The following ACOT13 variants were observed in gnomAD, a reference collection of about 807,000 sequenced individuals.
ACOT13 encodes the protein acyl-CoA thioesterase 13.
ACOT13 carries 10 observed loss-of-function variants against 11.8 expected under a neutral mutation model. That is an observed-to-expected ratio of 0.85 (90% CI 0.53 to 1.44). The LOEUF (loss-of-function observed/expected upper bound fraction) is 1.44. ACOT13 is among the 40% of genes most tolerant of loss of function. The pLI is 0.00. For synonymous variants in ACOT13, 53 were observed against 61.0 expected (o/e 0.87, Z 0.61); for missense variants, 172 against 174.1 (o/e 0.99, Z 0.07).
At position 24,683,528 on chromosome 6, in the gene ACOT13, C is replaced by T. The variant is rs372122305; in HGVS notation, c.82-14355C>T. Among the ~76,000 whole-genome samples, 278 of 151,728 alleles carry T rather than the reference C, an allele frequency of 1.8e-3. 2 individuals carry two copies. Among genetic ancestry groups the T allele is most frequent in the African/African-American group, 5.7e-3 (237 of 41,342 alleles). ...TCCAGCCTGGGTGGACAGAGTGAGA[C>T]TGTCTCTCTCAAAAAAAAAATTAAG... On this transcript the variant is annotated intron_variant, in intron 1 of 2. Coordinates refer to ENST00000230048, the MANE Select transcript of ACOT13 (RefSeq NM_018473.4).
chr6:24,676,798 T>G (rs1160408152), intron 1 of ACOT13, among the ~76,000 whole-genome samples: 1 of 152,196 alleles, frequency 6.6e-6, no homozygotes, highest in East Asian at 1.9e-4. Flanking sequence ...TTCTGGTGAC[T>G]CTGGCAGTGT....
At chr6:24,686,832 G>A (rs973570486) in intron 1 of ACOT13, among the ~76,000 whole-genome samples, 4 of 152,000 alleles carry the variant, frequency 2.6e-5, no homozygotes, top group Non-Finnish European at 5.9e-5. Flanking sequence ...CTCCCATGTA[G>A]CTGGGACCAC....
chr6:24,688,935 C>CATAA (rs1235054987), intron 1 of ACOT13, among the ~76,000 whole-genome samples: 6 of 152,070 alleles, frequency 3.9e-5, no homozygotes, highest in African/African-American at 1.4e-4. Context: ...GCACAAAAGA[C>CATAA]ATAAATAGGC....
intron 1 of ACOT13, among the ~76,000 whole-genome samples, chr6:24,696,210 A>G (rs1342982156): frequency 6.6e-6 from 1 of 152,204 alleles, no homozygotes; most frequent in Non-Finnish European, 1.5e-5. Context: ...GTTTTCCTTC[A>G]GGGCCTTCAA....
At position 24,703,489 on chromosome 6, in the gene ACOT13, G is replaced by A. The variant is rs564731364; in HGVS notation, c.*1874G>A. On this transcript the variant is annotated 3_prime_UTR_variant, in exon 3 of 3. Coordinates refer to ENST00000230048, the MANE Select transcript of ACOT13 (RefSeq NM_018473.4). Reference sequence around the variant, plus strand: ...AGAAAGGTTACAGTATCTTATGCATGAAAGGAGATGCTCAAAATAATAAAG... The same window carrying A: ...AGAAAGGTTACAGTATCTTATGCATAAAAGGAGATGCTCAAAATAATAAAG... 2.0e-5 allele frequency: 3 copies of A among 152,362 alleles called. No individual in the cohort carries two copies. In the East Asian group the frequency reaches 5.8e-4, roughly 29 times the overall value. 9.4% of individuals were successfully genotyped at this position (152,362 alleles called of 1,614,324 possible). A position where few individuals can be genotyped will look rare whatever the true frequency, so the allele number is the denominator to read the frequency against.
intron 1 of ACOT13, among the ~76,000 whole-genome samples, chr6:24,691,664 T>C (rs1778719901): frequency 6.6e-6 from 1 of 152,072 alleles, no homozygotes; most frequent in African/African-American, 2.4e-5. Context: ...TCATGAATAC[T>C]GAAGGAGGAG....
chr6:24,692,458 C>T (rs1262875181), intron 1 of ACOT13, among the ~76,000 whole-genome samples: 1 of 152,180 alleles, frequency 6.6e-6, no homozygotes, highest in Non-Finnish European at 1.5e-5. Context: ...ACTCTGTCAG[C>T]CAAGCTGTAG....
At chr6:24,672,915 A>G (rs910561904) in intron 1 of ACOT13, among the ~76,000 whole-genome samples, 3 of 152,078 alleles carry the variant, frequency 2.0e-5, no homozygotes, top group African/African-American at 7.2e-5. Context: ...CTGGCCGTGT[A>G]TCTCAGGAAT....
intron 1 of ACOT13, among the ~76,000 whole-genome samples, chr6:24,694,234 T>C (rs1337381832): frequency 6.6e-6 from 1 of 152,148 alleles, no homozygotes; most frequent in Non-Finnish European, 1.5e-5. Flanking sequence ...TCTGGACAGT[T>C]CTCTGTATTG....
chr6:24,676,040 G>A (rs1435613670), intron 1 of ACOT13, among the ~76,000 whole-genome samples: 2 of 151,736 alleles, frequency 1.3e-5, no homozygotes, highest in African/African-American at 2.4e-5. Context: ...TTGTAGATGT[G>A]TGGTATTATT....
intron 1 of ACOT13, among the ~76,000 whole-genome samples, chr6:24,675,460 T>C (rs1380222479): frequency 1.3e-5 from 2 of 152,230 alleles, no homozygotes. Flanking sequence ...TGGTTTTGAT[T>C]TGCATTTCTC....
intron 2 of ACOT13, among the ~76,000 whole-genome samples, chr6:24,700,425 CTTTTTTTTTTTTTTT>C (rs34173572): frequency 0.055 from 5,744 of 105,362 alleles, 202 homozygotes; most frequent in East Asian, 0.13. Flanking sequence ...TAAGATCCAC[CTTTTTTTTTTTTTTT>C]TTTTTTTTTT....
At chr6:24,678,601 C>T (rs910389585) in intron 1 of ACOT13, among the ~76,000 whole-genome samples, 5 of 152,132 alleles carry the variant, frequency 3.3e-5, no homozygotes, top group Admixed American at 6.5e-5. Flanking sequence ...GTTGCCCAGA[C>T]GTCAGGATTA....
rs761440284 is a variant in ACOT13, at chr6:24,667,283, C to G, written c.20C>G (p.Ser7Cys). 3.1e-6 allele frequency: 5 copies of G among 1,614,216 alleles called. No individual in the cohort carries two copies. The highest frequency in any genetic ancestry group is 2.7e-5 in the African/African-American group (2 of 75,062). The change falls in exon 1 of 3, where the codon TCT becomes TGT. Residue 7 changes from serine (S) to cysteine (C), a missense_variant. Physicochemically the swap from Ser to Cys is moderately radical, Grantham distance 112. Transcript: ENST00000230048. The part of the protein sequence containing the change: MTSMTQ[S>C]LREVIKAMTK... ...TCCACGATGACCAGCATGACTCAGT[C>G]TCTGCGGGAGGTGATAAAGGCCATG... is the stretch of plus-strand genomic sequence containing the variant.
chr6:24,701,354 T>C (rs1778888222), intron 2 of ACOT13, 105 bp from the exon 3 acceptor site: 1 of 1,036,648 alleles, frequency 9.6e-7, no homozygotes, highest in South Asian at 1.9e-5. Flanking sequence ...CCGTTAAAAC[T>C]ATTTTTAGGA....
At chr6:24,668,878 T>C (rs1778310247) in intron 1 of ACOT13, among the ~76,000 whole-genome samples, 1 of 152,190 alleles carries the variant, frequency 6.6e-6, no homozygotes, top group Non-Finnish European at 1.5e-5. Context: ...TACTTTCAAT[T>C]TCCCATCTGC....
intron 2 of ACOT13, among the ~76,000 whole-genome samples, chr6:24,699,999 A>G (rs996200460): frequency 6.6e-6 from 1 of 152,222 alleles, no homozygotes; most frequent in Non-Finnish European, 1.5e-5. Context: ...GTAAATGAAT[A>G]ATGTTTCAGT....
chr6:24,672,447 T>G (rs1778379810), intron 1 of ACOT13, among the ~76,000 whole-genome samples: 1 of 152,220 alleles, frequency 6.6e-6, no homozygotes, highest in South Asian at 2.1e-4. Context: ...AAGACCATCC[T>G]GGCCAACATG....
intron 1 of ACOT13, among the ~76,000 whole-genome samples, chr6:24,684,789 G>C (rs1159154628): frequency 6.8e-6 from 1 of 147,432 alleles, no homozygotes; most frequent in Non-Finnish European, 1.5e-5. Context: ...CAGGTGGGAA[G>C]GTTACTTGAG....
Sources: gnomAD v4.1 joint callset for allele counts (sites outside exome capture counted in the v4.1 genomes callset) on GRCh38, gnomAD v4.1.1 for gene constraint, MANE v1.5 for transcripts, NCBI Gene and HGNC (gene_info 2026-07-23, HGNC 2026-07-21) for gene names.